Variants in HDAC8 observed in about 807,000 individuals in gnomAD.
The protein encoded by HDAC8 is histone deacetylase-like 1.
Under a neutral mutation model 32.2 loss-of-function variants are expected in HDAC8, and 1 was observed. That is an observed-to-expected ratio of 0.03 (90% CI 0.01 to 0.15). The LOEUF (loss-of-function observed/expected upper bound fraction) is 0.15, where lower values mean the gene tolerates loss of function less well. Among genes scored for constraint, HDAC8 ranks in the 10% least tolerant of loss-of-function variants. The pLI is 1.00. For missense variants in HDAC8, 117 were observed against 300.0 expected, an observed-to-expected ratio of 0.39 and a Z score of 4.51; for synonymous variants, 108 against 113.9, an observed-to-expected ratio of 0.95 and a Z score of 0.33.
chrX:72,496,058 C>T (rs1323507862), intron 4 of HDAC8, among the ~76,000 whole-genome samples: 2 of 111,448 alleles, frequency 1.8e-5, no homozygotes, highest in Admixed American at 9.6e-5. Context: ...CATTCTTTAT[C>T]ATCAAGAGTG....
At chrX:72,537,195 A>G (rs1225838806) in intron 4 of HDAC8, among the ~76,000 whole-genome samples, 2 of 112,166 alleles carry the variant, frequency 1.8e-5, no homozygotes, top group African/African-American at 6.5e-5. Context: ...ATATTACCTG[A>G]AAGAAGACCA....
intron 9 of HDAC8, among the ~76,000 whole-genome samples, chrX:72,415,472 T>C (rs2046306871): frequency 8.9e-6 from 1 of 112,355 alleles, no homozygotes; most frequent in Non-Finnish European, 1.9e-5. Flanking sequence ...CAAAAAATCA[T>C]GTTAGGATTC....
Position 72,481,234 on chromosome X carries a change from T to A in HDAC8, c.737+7699A>T, listed in dbSNP as rs575371362. Among the ~76,000 whole-genome samples the A allele has an allele frequency of 3.2e-3, 356 of 110,665 alleles. 1 individual carries two copies. Among genetic ancestry groups the A allele is most frequent in the African/African-American group, 0.011 (344 of 30,429 alleles). ...CCCCTTATAAAACTATCAGATCTCATGAGAACTCACTATCATGAGAACAGC... is the reference window on the plus strand; with the variant it reads ...CCCCTTATAAAACTATCAGATCTCAAGAGAACTCACTATCATGAGAACAGC... On this transcript the variant is annotated intron_variant, in intron 7 of 10. Coordinates refer to ENST00000373573, the MANE Select transcript of HDAC8 (RefSeq NM_018486.3).
intron 9 of HDAC8, among the ~76,000 whole-genome samples, chrX:72,378,652 T>TATC (rs782614388): frequency 3.6e-5 from 4 of 112,471 alleles, no homozygotes; most frequent in Non-Finnish European, 7.5e-5. Flanking sequence ...ACACAAATTA[T>TATC]ATCTTCACAC....
At chrX:72,408,117 G>GA (rs1344268757) in intron 9 of HDAC8, among the ~76,000 whole-genome samples, 1 of 111,889 alleles carries the variant, frequency 8.9e-6, no homozygotes, top group Non-Finnish European at 1.9e-5. Context: ...GAATAAGGGA[G>GA]AAAAAATCCT....
intron 4 of HDAC8, among the ~76,000 whole-genome samples, chrX:72,496,119 T>C (rs781920835): frequency 9.0e-5 from 10 of 111,582 alleles, no homozygotes; most frequent in African/African-American, 2.3e-4. Context: ...TTATTTCACT[T>C]CCACAGAGAC....
intron 9 of HDAC8, among the ~76,000 whole-genome samples, chrX:72,382,949 C>T (rs920567239): frequency 8.9e-6 from 1 of 111,928 alleles, no homozygotes; most frequent in South Asian, 3.7e-4. Flanking sequence ...TTTTCCCTCT[C>T]CCCCTAAAAA....
intron 9 of HDAC8, among the ~76,000 whole-genome samples, chrX:72,383,609 G>A (rs1263213846): frequency 1.8e-5 from 2 of 111,324 alleles, no homozygotes; most frequent in African/African-American, 6.5e-5. Flanking sequence ...GGTGGCTCAC[G>A]CCTGTGATCT....
intron 4 of HDAC8, among the ~76,000 whole-genome samples, chrX:72,520,338 T>C (rs2049944493): frequency 8.9e-6 from 1 of 112,388 alleles, no homozygotes; most frequent in African/African-American, 3.2e-5. Flanking sequence ...TGTCCCAGCA[T>C]CATTTGCTGA....
At chrX:72,444,256 T>A in intron 9 of HDAC8, among the ~76,000 whole-genome samples, 1 of 102,420 alleles carries the variant, frequency 9.8e-6, no homozygotes, top group Admixed American at 1.1e-4. Context: ...TAGACCAATA[T>A]CCTTGATGAA....
intron 9 of HDAC8, among the ~76,000 whole-genome samples, chrX:72,430,765 G>A (rs1156431111): frequency 9.0e-6 from 1 of 111,729 alleles, no homozygotes; most frequent in Non-Finnish European, 1.9e-5. Flanking sequence ...ATGTTGAGTG[G>A]GAGAGAAGGG....
chrX:72,362,346 G>A (rs868976476), intron 9 of HDAC8, among the ~76,000 whole-genome samples: 8 of 111,831 alleles, frequency 7.2e-5, no homozygotes, highest in African/African-American at 2.3e-4. Flanking sequence ...ATGATTGAAA[G>A]TTTCCTGAGG....
At chrX:72,534,539 C>T (rs942485235) in intron 4 of HDAC8, among the ~76,000 whole-genome samples, 11 of 110,617 alleles carry the variant, frequency 9.9e-5, no homozygotes. Flanking sequence ...GAATTCCTGA[C>T]CGCAAGTGAT....
At chrX:72,514,137 G>A (rs1556023487) in intron 4 of HDAC8, among the ~76,000 whole-genome samples, 1 of 112,355 alleles carries the variant, frequency 8.9e-6, no homozygotes, top group South Asian at 3.7e-4. Flanking sequence ...AGATCAGGAG[G>A]GTGGAAGATA....
chrX:72,406,062 C>T (rs149043471), intron 9 of HDAC8, among the ~76,000 whole-genome samples: 1,171 of 110,936 alleles, frequency 0.011, 20 homozygotes, highest in African/African-American at 0.036. Context: ...CTTCTCCTTC[C>T]TGGTAGTTAG....
intron 7 of HDAC8, among the ~76,000 whole-genome samples, chrX:72,481,758 T>G (rs983227261): frequency 2.8e-5 from 3 of 108,892 alleles, no homozygotes; most frequent in African/African-American, 1.0e-4. Context: ...TGCGCACCTA[T>G]AATCCCACAC....
intron 4 of HDAC8, among the ~76,000 whole-genome samples, chrX:72,504,460 TATA>T (rs1327254938): frequency 2.7e-5 from 3 of 111,838 alleles, no homozygotes; most frequent in Non-Finnish European, 5.6e-5. Flanking sequence ...TTTCACTTAA[TATA>T]ATGTGTTTGA....
intron 9 of HDAC8, among the ~76,000 whole-genome samples, chrX:72,453,438 C>T (rs1040962204): frequency 8.3e-5 from 8 of 96,802 alleles, no homozygotes; most frequent in African/African-American, 2.8e-4. Context: ...GCCTGGCTGA[C>T]GGAGTAAGAC....
intron 4 of HDAC8, among the ~76,000 whole-genome samples, chrX:72,504,779 T>G (rs1379195628): frequency 8.9e-6 from 1 of 112,170 alleles, no homozygotes; most frequent in Non-Finnish European, 1.9e-5. Flanking sequence ...GACCAAACTG[T>G]TTTTCACGGT....
Sources: gnomAD v4.1 joint callset for allele counts (sites outside exome capture counted in the v4.1 genomes callset) on GRCh38, gnomAD v4.1.1 for gene constraint, MANE v1.5 for transcripts, NCBI Gene and HGNC (gene_info 2026-07-23, HGNC 2026-07-21) for gene names.